Variants in MEGF10 observed in about 807,000 individuals in gnomAD.
MEGF10 encodes multiple epidermal growth factor-like domains protein 10.
In MEGF10, 86 loss-of-function variants were observed where a neutral mutation model predicts 147.5. The ratio of observed to expected loss-of-function variants is 0.58; its 90% CI spans 0.49 to 0.70. MEGF10 has a LOEUF of 0.70. Ranked by LOEUF, MEGF10 falls within the 30% of genes least tolerant of loss-of-function variation. The probability of loss-of-function intolerance (pLI) is 0.00; values close to 1 mark genes in which losing one functional copy is unlikely to be tolerated. For synonymous variants in MEGF10, 478 were observed against 525.5 expected (o/e 0.91, Z 1.24); for missense variants, 1,329 against 1,487.3 (o/e 0.89, Z 1.75).
chr5:127,359,574 C>T (rs1202761528), intron 4 of MEGF10, among the ~76,000 whole-genome samples: 2 of 152,076 alleles, frequency 1.3e-5, no homozygotes, highest in Non-Finnish European at 2.9e-5. Context: ...GATCAGCTTT[C>T]TGTCACTCTA....
At chr5:127,409,867 AATG>A (rs1310667947) in intron 8 of MEGF10, 2 of 158,984 alleles carry the variant, frequency 1.3e-5, no homozygotes, top group Non-Finnish European at 2.8e-5. Flanking sequence ...ACTGAGGAGG[AATG>A]ATTACCATTC....
At position 127,324,920 on chromosome 5, in the gene MEGF10, T is replaced by C. The variant is rs182438109; in HGVS notation, c.-18-6371T>C. Among the ~76,000 whole-genome samples, 410 of 152,296 alleles carry C rather than the reference T, an allele frequency of 2.7e-3. 2 individuals carry two copies. The highest frequency in any genetic ancestry group is 9.5e-3 in the African/African-American group (393 of 41,562). On this transcript the variant is annotated intron_variant, in intron 1 of 24. Transcript: ENST00000503335. ...GGCCCCTCCTTGAGTTTTTATTTACTCAGAAGCTTCCTTTTATCCAGGTGT... is the reference window on the plus strand; with the variant it reads ...GGCCCCTCCTTGAGTTTTTATTTACCCAGAAGCTTCCTTTTATCCAGGTGT...
chr5:127,383,002 C>A (rs1037904020), intron 5 of MEGF10, among the ~76,000 whole-genome samples: 4 of 152,144 alleles, frequency 2.6e-5, no homozygotes, highest in African/African-American at 9.7e-5. Context: ...TCCATGAAGG[C>A]AAATTGGCAG....
chr5:127,230,926 C>T, the MEGF10 span, among the ~76,000 whole-genome samples: 7 of 152,120 alleles, frequency 4.6e-5, no homozygotes, highest in Admixed American at 1.3e-4. Flanking sequence ...GTTGAAGAGG[C>T]AAAATTGCCC....
At chr5:127,264,451 A>C in the MEGF10 span, among the ~76,000 whole-genome samples, 1 of 152,168 alleles carries the variant, frequency 6.6e-6, no homozygotes, top group African/African-American at 2.4e-5. Flanking sequence ...GCTGAAGAAA[A>C]GTGAGGGATT....
At chr5:127,448,228 A>G (rs1400812802) in intron 21 of MEGF10, among the ~76,000 whole-genome samples, 2 of 152,228 alleles carry the variant, frequency 1.3e-5, no homozygotes, top group Admixed American at 6.5e-5. Context: ...CAGTGGTCAC[A>G]TAGCAACAAC....
At chr5:127,327,974 C>T (rs1216990381) in intron 1 of MEGF10, among the ~76,000 whole-genome samples, 5 of 152,138 alleles carry the variant, frequency 3.3e-5, no homozygotes, top group African/African-American at 1.2e-4. Flanking sequence ...GCCTCTGCCT[C>T]CCAAAGTGCT....
intron 4 of MEGF10, among the ~76,000 whole-genome samples, chr5:127,349,916 A>G (rs965537435): frequency 1.3e-5 from 2 of 152,122 alleles, no homozygotes; most frequent in African/African-American, 4.8e-5. Flanking sequence ...TTTTGTGCAT[A>G]TCTTTGGTCA....
the MEGF10 span, among the ~76,000 whole-genome samples, chr5:127,279,067 G>C: frequency 3.3e-5 from 5 of 152,164 alleles, no homozygotes; most frequent in Non-Finnish European, 7.3e-5. Context: ...ATTTTGCCGG[G>C]TGAGTAAAAT....
intron 18 of MEGF10, among the ~76,000 whole-genome samples, chr5:127,442,250 C>T (rs762576161): frequency 1.9e-4 from 29 of 152,118 alleles, no homozygotes; most frequent in Non-Finnish European, 3.2e-4. Context: ...AAACAGAAAC[C>T]CTGTGTTTGA....
chr5:127,371,190 A>AGT lies in MEGF10; in HGVS notation c.412+1188_412+1189insGT, dbSNP rs1561600717. Among the ~76,000 whole-genome samples the AGT allele has an allele frequency of 4.1e-3, 388 of 93,754 alleles. 6 individuals carry two copies. The East Asian group carries it at 0.064, about 15-fold the overall frequency. 61.5% of individuals were successfully genotyped at this position (93,754 alleles called of 152,430 possible). A position where few individuals can be genotyped will look rare whatever the true frequency, so the allele number is the denominator to read the frequency against. ...AACTGTACCTTAAACAGGGACTGGG[A>AGT]CTGTGTGTGTGTGTGTGTGTGTGTG... is the stretch of plus-strand genomic sequence containing the variant. On this transcript the variant is annotated intron_variant, in intron 5 of 24. Coordinates refer to ENST00000503335, the MANE Select transcript of MEGF10 (RefSeq NM_001256545.2).
At position 127,453,747 on chromosome 5, in the gene MEGF10, C is replaced by T. The variant is rs145953165; in HGVS notation, c.2981-819C>T. ...GCAGTATTAACAATGCAATTTTGCACGTATACACCAGATAGTATAAAATGG... is the reference window on the plus strand; with the variant it reads ...GCAGTATTAACAATGCAATTTTGCATGTATACACCAGATAGTATAAAATGG... On this transcript the variant is annotated intron_variant, in intron 22 of 24. Transcript: ENST00000503335. Among the ~76,000 whole-genome samples the T allele has an allele frequency of 1.1e-4, 17 of 152,292 alleles. No individual in the cohort carries two copies. In the East Asian group the frequency reaches 3.1e-3, roughly 28 times the overall value.
Position 127,398,747 on chromosome 5 carries a change from G to A in MEGF10, c.731G>A (p.Gly244Glu). Residue 244 changes from glycine (G) to glutamate (E), a missense_variant, in exon 7 of 25, where the codon GGA becomes GAA. Coordinates refer to ENST00000503335, the MANE Select transcript of MEGF10 (RefSeq NM_001256545.2). ...CAGAGATGCCCTTGTCAAAATGGAG[G>A]AGTGTGTCATCACGTCACTGGAGAA... ...CEQRCPCQNG[G>E]VCHHVTGECS... The A allele has an allele frequency of 6.2e-7, 1 of 1,613,996 alleles. No individual in the cohort carries two copies. The highest frequency in any genetic ancestry group is 8.5e-7 in the Non-Finnish European group (1 of 1,179,922).
At chr5:127,303,504 A>G (rs56169866) in intron 1 of MEGF10, among the ~76,000 whole-genome samples, 10,894 of 152,180 alleles carry the variant, frequency 0.072, 675 homozygotes, top group African/African-American at 0.16. Flanking sequence ...TGGGGAAGAC[A>G]ATAAGGAGAC....
intron 1 of MEGF10, among the ~76,000 whole-genome samples, chr5:127,325,381 T>C (rs1760971764): frequency 6.6e-6 from 1 of 152,126 alleles, no homozygotes; most frequent in Non-Finnish European, 1.5e-5. Flanking sequence ...TGAGTATTGT[T>C]TGTAGATTTT....
At chr5:127,376,192 A>C (rs1261635117) in intron 5 of MEGF10, among the ~76,000 whole-genome samples, 1 of 152,210 alleles carries the variant, frequency 6.6e-6, no homozygotes, top group Non-Finnish European at 1.5e-5. Context: ...CTGAGAAGCC[A>C]AGGAGAGGAA....
chr5:127,343,879 G>A (rs1761776944), intron 4 of MEGF10, among the ~76,000 whole-genome samples: 1 of 152,170 alleles, frequency 6.6e-6, no homozygotes, highest in Non-Finnish European at 1.5e-5. Context: ...AAGGGGAGCT[G>A]AGTGGCCTCC....
chr5:127,247,417 A>G, the MEGF10 span, among the ~76,000 whole-genome samples: 9,688 of 60,806 alleles, frequency 0.16, 2,922 homozygotes, highest in Middle Eastern at 0.33. Flanking sequence ...GAAGAAGAAG[A>G]AGAAGAAGAA....
chr5:127,378,075 T>C (rs542040414), intron 5 of MEGF10, among the ~76,000 whole-genome samples: 37 of 152,302 alleles, frequency 2.4e-4, no homozygotes, highest in African/African-American at 8.2e-4. Flanking sequence ...AAATTTGGAC[T>C]GTTCTTTGCC....
Sources: gnomAD v4.1 joint callset for allele counts (sites outside exome capture counted in the v4.1 genomes callset) on GRCh38, gnomAD v4.1.1 for gene constraint, MANE v1.5 for transcripts, NCBI Gene and HGNC (gene_info 2026-07-23, HGNC 2026-07-21) for gene names.